The following ACACB variants were observed in gnomAD, a reference collection of about 807,000 sequenced individuals.
ACACB encodes the protein acetyl-CoA carboxylase 2.
ACACB carries 209 observed loss-of-function variants against 278.8 expected under a neutral mutation model. The ratio of observed to expected loss-of-function variants is 0.75; its 90% CI spans 0.67 to 0.84. The LOEUF (loss-of-function observed/expected upper bound fraction) is 0.84, where lower values mean the gene tolerates loss of function less well. Ranked by LOEUF, ACACB falls within the 40% of genes least tolerant of loss-of-function variation. The pLI, the probability that ACACB is intolerant of heterozygous loss-of-function variation, is 0.00. For synonymous variants in ACACB, 1,174 were observed against 1,285.6 expected (o/e 0.91, Z 1.86); for missense variants, 2,850 against 3,269.0 (o/e 0.87, Z 3.13).
intron 1 of ACACB, among the ~76,000 whole-genome samples, chr12:109,118,029 C>T (rs1233953843): frequency 6.6e-6 from 1 of 152,194 alleles, no homozygotes; most frequent in Non-Finnish European, 1.5e-5. Context: ...GGATTACAGG[C>T]ATGAGCCACC....
rs34282 is a variant in ACACB, at chr12:109,166,694, C to G, written c.654-167C>G. Among the ~76,000 whole-genome samples, 258 of 122,488 alleles carry G rather than the reference C, an allele frequency of 2.1e-3. 4 individuals are homozygous for G. The highest frequency in any genetic ancestry group is 3.9e-3 in the Middle Eastern group (1 of 258). 80.4% of individuals were successfully genotyped at this position (122,488 alleles called of 152,430 possible). ...AAAAAAAAACCGAAGGTGCTTCCTG[C>G]CCTTGAGCCTCCTTGTAAATTGCTT... On this transcript the variant is annotated intron_variant, in intron 2 of 52. Transcript: ENST00000338432.
chr12:109,163,795 G>A (rs767093858), intron 2 of ACACB, among the ~76,000 whole-genome samples: 5 of 152,060 alleles, frequency 3.3e-5, no homozygotes, highest in African/African-American at 4.8e-5. Flanking sequence ...GATTACAGAT[G>A]CACACCACCA....
chr12:109,235,847 A>G (rs1490625077), intron 33 of ACACB, 200 bp downstream of exon 33: 1 of 534,784 alleles, frequency 1.9e-6, no homozygotes, highest in South Asian at 2.5e-5. Flanking sequence ...AAAAATTAAA[A>G]AATCAGCCTG....
chr12:109,229,901 C>G (rs1016350907), intron 28 of ACACB, among the ~76,000 whole-genome samples: 4 of 152,132 alleles, frequency 2.6e-5, no homozygotes, highest in Non-Finnish European at 4.4e-5. Context: ...TTTCAGGACC[C>G]AAAGTATTAA....
At position 109,267,001 on chromosome 12, in the gene ACACB, C is replaced by A. The variant is rs151191354; in HGVS notation, c.*639C>A. The A allele has an allele frequency of 6.6e-6, 1 of 150,904 alleles. No homozygotes were observed. The highest frequency in any genetic ancestry group is 2.4e-5 in the African/African-American group (1 of 40,978). The allele number at this position is 150,904 out of a possible 1,614,324, so 9.3% of individuals were successfully genotyped here. ...TGCAACCTCCATCTCCTGTCTCAGCCTCCTAGATAACTGGGATTACAGGTG... is the reference window on the plus strand; with the variant it reads ...TGCAACCTCCATCTCCTGTCTCAGCATCCTAGATAACTGGGATTACAGGTG... On this transcript the variant is annotated 3_prime_UTR_variant, in exon 53 of 53. Transcript: ENST00000338432.
At chr12:109,249,024 A>G (rs2047025323) in intron 40 of ACACB, 2 of 152,230 alleles carry the variant, frequency 1.3e-5, no homozygotes, top group African/African-American at 2.4e-5. Flanking sequence ...CTTTGGTTGT[A>G]TAAACCAAAA....
intron 9 of ACACB, among the ~76,000 whole-genome samples, chr12:109,178,339 A>C (rs907838128): frequency 6.6e-6 from 1 of 152,242 alleles, no homozygotes; most frequent in Non-Finnish European, 1.5e-5. Flanking sequence ...AGGATGAAGT[A>C]AGTTTGTCCT....
intron 37 of ACACB, among the ~76,000 whole-genome samples, chr12:109,244,613 A>G (rs1056920572): frequency 6.6e-6 from 1 of 152,046 alleles, no homozygotes; most frequent in Admixed American, 6.6e-5. Context: ...ATGAGCCACC[A>G]TGCCTGGCTA....
chr12:109,139,907 G>C lies in ACACB; in HGVS notation c.502G>C (p.Gly168Arg), dbSNP rs2043059322. The change falls in exon 2 of 53, where the codon GGC becomes CGC. Residue 168 changes from glycine to arginine, a missense_variant. Physicochemically the swap from Gly to Arg is moderately radical, Grantham distance 125 (BLOSUM62 -2). This residue lies in a region of ACACB where 2,265 missense variants were observed against 2,561.3 expected (regional missense o/e 0.88). Coordinates refer to ENST00000338432, the MANE Select transcript of ACACB (RefSeq NM_001093.4). ...GCAGCTGATGACCAACTTCATCCTG[G>C]GCTCTTTTGATGACTACTCCTCCGA... Reference protein sequence around the residue: ...KRQLMTNFILGSFDDYSSDED... With the variant: ...KRQLMTNFILRSFDDYSSDED... The C allele has an allele frequency of 6.2e-7, 1 of 1,614,164 alleles. No homozygotes were observed. Among genetic ancestry groups the C allele is most frequent in the Non-Finnish European group, 8.5e-7 (1 of 1,180,026 alleles).
chr12:109,145,954 A>G (rs988390184), intron 2 of ACACB, among the ~76,000 whole-genome samples: 1 of 152,144 alleles, frequency 6.6e-6, no homozygotes, highest in African/African-American at 2.4e-5. Flanking sequence ...GGTTGCAGTG[A>G]GCCAAGACCA....
At chr12:109,112,919 C>T (rs1278366457), upstream of ACACB, among the ~76,000 whole-genome samples, 3 of 152,072 alleles carry the variant, frequency 2.0e-5, no homozygotes, top group Admixed American at 2.0e-4. Context: ...GGGAACTGCT[C>T]AACAACTCAC....
chr12:109,255,895 G>T (rs2136791275), intron 44 of ACACB, among the ~76,000 whole-genome samples: 1 of 152,300 alleles, frequency 6.6e-6, no homozygotes, highest in East Asian at 1.9e-4. Flanking sequence ...GCTGTTGATG[G>T]TAGTCACATA....
Position 109,139,597 on chromosome 12 carries a change from C to T in ACACB, c.192C>T (p.Gly64=), listed in dbSNP as rs2043050152. Residue 64 remains glycine (G), a synonymous_variant, in exon 2 of 53, where the codon GGC becomes GGT. Transcript: ENST00000338432. ...AGACACCGCAGAGAAATGGGGAGGG[C>T]CACACTCTGCCCAAGACACCCAGCC... is the stretch of plus-strand genomic sequence containing the variant. ...SGETPQRNGE[G]HTLPKTPSQA... 6.2e-7 allele frequency: 1 copy of T among 1,614,114 alleles called. No homozygotes were observed. The highest frequency in any genetic ancestry group is 8.5e-7 in the Non-Finnish European group (1 of 1,180,010).
intron 19 of ACACB, among the ~76,000 whole-genome samples, chr12:109,205,091 C>A (rs773485872): frequency 6.6e-6 from 1 of 152,018 alleles, no homozygotes; most frequent in Admixed American, 6.6e-5. Context: ...TGGCCTCAAG[C>A]GATCCGTCCA....
chr12:109,199,536 G>A lies in ACACB; in HGVS notation c.2762G>A (p.Ser921Asn), dbSNP rs1159716906. Reference protein sequence around the residue: ...EDGGHVEAGSSYAEMEVMKMI... With the variant: ...EDGGHVEAGSNYAEMEVMKMI... ...GGGGGCCACGTTGAGGCTGGGAGCA[G>A]CTACGCTGAGATGGAGGTGACTGCA... Residue 921 changes from serine (S) to asparagine (N), a missense_variant, in exon 18 of 53, where the codon AGC (serine) becomes AAC (asparagine). Physicochemically the swap from Ser to Asn is conservative, Grantham distance 46. Around this residue, in one of 3 missense-constraint regions of ACACB, gnomAD observed 2,265 missense variants for 2,561.3 expected, o/e 0.88. Coordinates refer to ENST00000338432, the MANE Select transcript of ACACB (RefSeq NM_001093.4). The A allele has an allele frequency of 3.4e-6, 5 of 1,489,928 alleles. No homozygotes were observed. The highest frequency in any genetic ancestry group is 2.2e-5 in the Admixed American group (1 of 45,454). The allele number at this position is 1,489,928 out of a possible 1,614,324, so 92.3% of individuals were successfully genotyped here. A position where few individuals can be genotyped will look rare whatever the true frequency, so the allele number is the denominator to read the frequency against.
At chr12:109,241,035 G>T (rs185031257) in intron 35 of ACACB, 43 bp from the exon 36 acceptor site, 310 of 1,596,050 alleles carry the variant, frequency 1.9e-4, no homozygotes, top group Middle Eastern at 1.9e-3. Flanking sequence ...ATGTCCTTGG[G>T]ATGTCTTGGC....
At chr12:109,225,764 T>C (rs2046296527) in intron 27 of ACACB, among the ~76,000 whole-genome samples, 1 of 152,244 alleles carries the variant, frequency 6.6e-6, no homozygotes, top group Non-Finnish European at 1.5e-5. Context: ...GCACTTGAAC[T>C]GCATCCAGTC....
chr12:109,158,116 T>A (rs186680050), intron 2 of ACACB, among the ~76,000 whole-genome samples: 12 of 152,302 alleles, frequency 7.9e-5, no homozygotes, highest in Admixed American at 2.6e-4. Context: ...AAGTTTTTCA[T>A]GTCAGGGTTG....
chr12:109,260,364 C>G, intron 47 of ACACB, 116 bp from the exon 48 acceptor site: 3 of 1,323,256 alleles, frequency 2.3e-6, no homozygotes, highest in Admixed American at 1.9e-5. Context: ...CAGCCCAGTG[C>G]TCTCCAAGCC....
Sources: gnomAD v4.1 joint callset for allele counts (sites outside exome capture counted in the v4.1 genomes callset) on GRCh38, gnomAD v4.1.1 for gene constraint, gnomAD v4.1.1 regional missense constraint, MANE v1.5 for transcripts, NCBI Gene and HGNC (gene_info 2026-07-23, HGNC 2026-07-21) for gene names.